MLIP: variants seen among roughly 807,000 people sequenced by gnomAD.
MLIP encodes the protein muscular LMNA-interacting protein.
A neutral mutation model predicts 84.8 loss-of-function variants in MLIP; 79 were observed. The observed-to-expected ratio is 0.93, with a 90% confidence interval of 0.78 to 1.12. The LOEUF is 1.12. Among genes scored for constraint, MLIP ranks in the 50% most tolerant of loss-of-function variants. The pLI is 0.00. For missense variants in MLIP, 1,257 were observed against 1,160.6 expected (o/e 1.08, Z -1.21); for synonymous variants, 504 against 463.0 (o/e 1.09, Z -1.14).
Position 54,056,003 on chromosome 6 carries a change from T to A in MLIP, c.63+36912T>A, listed in dbSNP as rs868642056. On this transcript the variant is annotated intron_variant, in intron 1 of 12. Coordinates refer to the MLIP transcript ENST00000274897. ...TTGTTGCACTTTACATATTTATATA[T>A]TTTTTTAATATTTTAAAACTTCTCT... is the stretch of plus-strand genomic sequence containing the variant. Among the ~76,000 whole-genome samples the A allele has an allele frequency of 2.8e-4, 43 of 152,264 alleles. 1 individual carries two copies. Among genetic ancestry groups the A allele is most frequent in the African/African-American group, 9.4e-4 (39 of 41,566 alleles).
intron 9 of MLIP, among the ~76,000 whole-genome samples, chr6:54,172,781 C>T (rs1033054895): frequency 5.3e-5 from 8 of 151,114 alleles, no homozygotes; most frequent in African/African-American, 1.5e-4. Flanking sequence ...CTTTATTGCA[C>T]GTATTGTGAC....
At chr6:54,215,193 G>T in intron 11 of MLIP, 1 of 1,535,130 alleles carries the variant, frequency 6.5e-7, no homozygotes, top group African/African-American at 1.4e-5. Context: ...CTGGTCCTTG[G>T]CTCCTCTGAT....
intron 10 of MLIP, among the ~76,000 whole-genome samples, chr6:54,194,824 G>A (rs377207577): frequency 2.2e-4 from 33 of 151,416 alleles, no homozygotes; most frequent in Admixed American, 8.6e-4. Context: ...CAATAGTTGC[G>A]TGGTAATAAG....
chr6:54,243,743 C>A (rs565745654), intron 12 of MLIP, among the ~76,000 whole-genome samples: 2 of 152,186 alleles, frequency 1.3e-5, no homozygotes, highest in East Asian at 3.9e-4. Context: ...CCACTTTCAC[C>A]ATCACCACCA....
chr6:54,046,232 T>C (rs148690583), intron 1 of MLIP: 1 of 152,008 alleles, frequency 6.6e-6, no homozygotes, highest in African/African-American at 2.4e-5. Flanking sequence ...AACTTTAAAT[T>C]TGACCAATAA....
chr6:54,243,579 A>G (rs1272005449), intron 12 of MLIP, among the ~76,000 whole-genome samples: 1 of 152,226 alleles, frequency 6.6e-6, no homozygotes, highest in Non-Finnish European at 1.5e-5. Flanking sequence ...AAACAATCAT[A>G]AAGTAGGGTT....
chr6:54,241,790 T>C (rs1381365294), intron 12 of MLIP, among the ~76,000 whole-genome samples: 3 of 152,140 alleles, frequency 2.0e-5, no homozygotes, highest in East Asian at 1.9e-4. Flanking sequence ...GATTGTAGAT[T>C]AAGAATAAAG....
intron 1 of MLIP, among the ~76,000 whole-genome samples, chr6:54,052,943 T>C (rs1363580834): frequency 6.6e-6 from 1 of 152,104 alleles, no homozygotes; most frequent in Non-Finnish European, 1.5e-5. Context: ...GAGGGAGATA[T>C]GTGGATTGGG....
intron 8 of MLIP, among the ~76,000 whole-genome samples, chr6:54,163,378 T>A (rs79369270): frequency 0.023 from 3,477 of 152,004 alleles, 51 homozygotes; most frequent in Non-Finnish European, 0.034. Flanking sequence ...ATTCTTGTTA[T>A]GTTAGGGTGA....
At chr6:54,030,272 G>A (rs1764052494) in intron 1 of MLIP, among the ~76,000 whole-genome samples, 3 of 152,240 alleles carry the variant, frequency 2.0e-5, no homozygotes, top group East Asian at 1.9e-4. Context: ...TAATCTCAGT[G>A]GAGAATAATT....
intron 11 of MLIP, among the ~76,000 whole-genome samples, chr6:54,218,705 G>A (rs545927162): frequency 2.0e-5 from 3 of 151,754 alleles, no homozygotes; most frequent in African/African-American, 7.3e-5. Context: ...TAGTAGAGAT[G>A]GGATTTTGCC....
At chr6:54,236,046 C>A (rs1466542313) in intron 12 of MLIP, among the ~76,000 whole-genome samples, 1 of 152,146 alleles carries the variant, frequency 6.6e-6, no homozygotes, top group Non-Finnish European at 1.5e-5. Flanking sequence ...TATCTCAGAA[C>A]CATTCTCTTG....
In MLIP at chr6:54,232,146, T is replaced by C. The variant is rs1781048458; in HGVS notation, c.2922+1229T>C. ...AAAAATTATTTTATATTATTTGAAATTCTTTCTGATTTAATATTTGCCAAC... is the reference window on the plus strand; with the variant it reads ...AAAAATTATTTTATATTATTTGAAACTCTTTCTGATTTAATATTTGCCAAC... On this transcript the variant is annotated intron_variant, in intron 12 of 13. Transcript: ENST00000502396. Among the ~76,000 whole-genome samples the C allele has an allele frequency of 2.6e-5, 4 of 152,150 alleles. 1 individual carries two copies. In the South Asian group the frequency reaches 8.3e-4, roughly 32 times the overall value.
chr6:54,109,105 T>G (rs1191803916), upstream of MLIP, among the ~76,000 whole-genome samples: 1 of 150,432 alleles, frequency 6.6e-6, no homozygotes, highest in Non-Finnish European at 1.5e-5. Flanking sequence ...TATCAATAAA[T>G]ACATATATAT....
intron 1 of MLIP, among the ~76,000 whole-genome samples, chr6:54,113,981 A>G (rs1053931239): frequency 1.3e-5 from 2 of 152,236 alleles, no homozygotes; most frequent in Admixed American, 1.3e-4. Context: ...ACAGCCAAGC[A>G]AATTGCCTCA....
chr6:54,109,038 T>C (rs1389952601), upstream of MLIP, among the ~76,000 whole-genome samples: 1 of 116,208 alleles, frequency 8.6e-6, no homozygotes, highest in Non-Finnish European at 2.0e-5. Context: ...TATATAATTT[T>C]ATGTCTTCAT....
intron 11 of MLIP, among the ~76,000 whole-genome samples, chr6:54,227,959 G>A (rs1033252069): frequency 6.6e-6 from 1 of 152,018 alleles, no homozygotes; most frequent in Non-Finnish European, 1.5e-5. Context: ...CGAGGCGAGC[G>A]GATCATGAGG....
At chr6:54,163,303 A>G (rs1275125927) in intron 8 of MLIP, among the ~76,000 whole-genome samples, 4 of 151,766 alleles carry the variant, frequency 2.6e-5, no homozygotes, top group Admixed American at 6.6e-5. Context: ...ATATTTCTGC[A>G]TATAATTTTT....
chr6:54,059,928 C>A (rs1002146126), intron 1 of MLIP, among the ~76,000 whole-genome samples: 7 of 152,202 alleles, frequency 4.6e-5, no homozygotes, highest in South Asian at 2.1e-4. Flanking sequence ...ATATTTTGAG[C>A]CTTGATTGAC....
Sources: gnomAD v4.1 joint callset for allele counts (sites outside exome capture counted in the v4.1 genomes callset) on GRCh38, gnomAD v4.1.1 for gene constraint, MANE v1.5 for transcripts, NCBI Gene and HGNC (gene_info 2026-07-23, HGNC 2026-07-21) for gene names.